GOPC: variants seen among roughly 807,000 people sequenced by gnomAD.
GOPC encodes golgi associated PDZ and coiled-coil motif containing, also known as Golgi-associated PDZ and coiled-coil motif-containing protein.
GOPC carries 32 observed loss-of-function variants against 51.2 expected under a neutral mutation model. The observed-to-expected ratio is 0.63, with a 90% CI of 0.47 to 0.84. The LOEUF is 0.84. Ranked by LOEUF, GOPC falls within the 40% of genes least tolerant of loss-of-function variation. GOPC has a pLI of 0.00. For synonymous variants in GOPC, 190 were observed against 205.1 expected, an observed-to-expected ratio of 0.93 and a Z score of 0.63; for missense variants, 441 against 555.5, an observed-to-expected ratio of 0.79 and a Z score of 2.07.
Position 117,561,046 on chromosome 6 carries a change from G to A in GOPC, c.*2208C>T, listed in dbSNP as rs1045855. Reference sequence around the variant, plus strand: ...TTTTAACTAGTTACTTTCTAACACCGGACAGGAAGCTCACAGTAGCATCTG... The same window carrying A: ...TTTTAACTAGTTACTTTCTAACACCAGACAGGAAGCTCACAGTAGCATCTG... On this transcript the variant is annotated 3_prime_UTR_variant, in exon 9 of 9. Transcript: ENST00000368498. 0.18 allele frequency: 39,379 copies of A among 221,430 alleles called. 3,837 individuals are homozygous for A. The highest frequency in any genetic ancestry group is 0.2 in the Non-Finnish European group (22,506 of 110,726). 13.7% of individuals were successfully genotyped at this position (221,430 alleles called of 1,614,324 possible).
At position 117,561,071 on chromosome 6, in the gene GOPC, G is replaced by C. The variant is rs1233123933; in HGVS notation, c.*2183C>G. 2 of 223,258 alleles carry C rather than the reference G, an allele frequency of 9.0e-6. No individual in the cohort carries two copies. Among genetic ancestry groups the C allele is most frequent in the East Asian group, 1.3e-4 (2 of 15,412 alleles). The allele number at this position is 223,258 out of a possible 1,614,324, so 13.8% of individuals were successfully genotyped here. ...GGACAGGAAGCTCACAGTAGCATCT[G>C]AGCAACGGTGCTCTCCCGTAGGCTT... On this transcript the variant is annotated 3_prime_UTR_variant, in exon 9 of 9. Coordinates refer to ENST00000368498, the MANE Select transcript of GOPC (RefSeq NM_020399.4).
chr6:117,596,567 T>A (rs1158330503), intron 1 of GOPC, among the ~76,000 whole-genome samples: 1 of 152,210 alleles, frequency 6.6e-6, no homozygotes, highest in African/African-American at 2.4e-5. Context: ...TTGATTTTTA[T>A]ATACGGTAAG....
Position 117,573,626 on chromosome 6 carries a change from T to C in GOPC, c.657A>G (p.Gln219=), listed in dbSNP as rs1779838150. ...YLDKELAGRV[Q]QIQLLGRDMK... is the part of the protein sequence containing the mutation. The stretch of plus-strand genomic sequence containing the variant: ...TATCTCGTCCTAGCAATTGTATCTG[T>C]TGGACCCTTCATATTGGGAAAAGAG... The change falls in exon 5 of 9, where the codon CAA becomes CAG. Residue 219 remains glutamine (Q), a synonymous_variant. Coordinates refer to ENST00000368498, the MANE Select transcript of GOPC (RefSeq NM_020399.4). The C allele has an allele frequency of 1.2e-6, 2 of 1,610,044 alleles. No homozygotes were observed. Among genetic ancestry groups the C allele is most frequent in the Non-Finnish European group, 1.7e-6 (2 of 1,177,892 alleles).
At chr6:117,595,040 A>G (rs924927943) in intron 1 of GOPC, among the ~76,000 whole-genome samples, 1 of 152,178 alleles carries the variant, frequency 6.6e-6, no homozygotes, top group South Asian at 2.1e-4. Context: ...GCTACTCAAC[A>G]CATATTTCCC....
intron 1 of GOPC, among the ~76,000 whole-genome samples, chr6:117,596,675 T>C (rs1350324459): frequency 6.6e-6 from 1 of 152,178 alleles, no homozygotes; most frequent in East Asian, 1.9e-4. Context: ...ATGTTTTTGT[T>C]TGCTTTGTCA....
chr6:117,582,984 G>C (rs1412413849), intron 1 of GOPC, among the ~76,000 whole-genome samples: 1 of 152,044 alleles, frequency 6.6e-6, no homozygotes, highest in East Asian at 2.0e-4. Context: ...AGAGCTAAGA[G>C]AACCTTGTAA....
intron 1 of GOPC, among the ~76,000 whole-genome samples, chr6:117,589,411 C>G (rs192606301): frequency 6.6e-6 from 1 of 152,212 alleles, no homozygotes; most frequent in Admixed American, 6.5e-5. Context: ...CCTCCACCTC[C>G]CGGGTTCAAG....
chr6:117,579,103 A>G, intron 1 of GOPC, 39 bp from the exon 2 acceptor site: 1 of 1,508,388 alleles, frequency 6.6e-7, no homozygotes, highest in Non-Finnish European at 8.9e-7. Context: ...AGGATGCTTA[A>G]TTTTCTTTCT....
chr6:117,579,511 A>C lies in GOPC; in HGVS notation c.286-447T>G, dbSNP rs531327778. Among the ~76,000 whole-genome samples, 111 of 152,000 alleles carry C rather than the reference A, an allele frequency of 7.3e-4. 1 individual carries two copies. The highest frequency in any genetic ancestry group is 1.3e-3 in the Non-Finnish European group (88 of 67,928). ...TCTTCAATCCAACGAATACTAGCCC[A>C]AATCATCCCAATCATTATCTAGTAA... On this transcript the variant is annotated intron_variant, in intron 1 of 8. Transcript: ENST00000368498.
In GOPC at chr6:117,602,269, C is replaced by T; in HGVS notation, c.20G>A (p.Cys7Tyr). 1 of 1,592,340 alleles carries T rather than the reference C, an allele frequency of 6.3e-7. No homozygotes were observed. The highest frequency in any genetic ancestry group is 8.5e-7 in the Non-Finnish European group (1 of 1,176,724). The change falls in exon 1 of 9, where the codon TGC (cysteine) becomes TAC (tyrosine). Residue 7 changes from cysteine to tyrosine, a missense_variant. Cys to Tyr is a radical substitution (Grantham distance 194). Transcript: ENST00000368498. MSAGGP[C>Y]PAAAGGGPGG... Reference sequence around the variant, plus strand: ...TGGGCCCCCTCCGGCTGCTGCTGGGCATGGACCGCCCGCCGACATGGCGCC... The same window carrying T: ...TGGGCCCCCTCCGGCTGCTGCTGGGTATGGACCGCCCGCCGACATGGCGCC...
chr6:117,572,192 T>C (rs932445018), intron 5 of GOPC, among the ~76,000 whole-genome samples: 1 of 152,136 alleles, frequency 6.6e-6, no homozygotes, highest in African/African-American at 2.4e-5. Flanking sequence ...TTTCCCCAAA[T>C]CCTTCCTTTT....
chr6:117,573,655 A>C (rs751728419), intron 4 of GOPC, 23 bp from the exon 5 acceptor site: 11 of 1,584,640 alleles, frequency 6.9e-6, no homozygotes, highest in Middle Eastern at 1.7e-4. Flanking sequence ...AAAAGAGTAC[A>C]TTGATTTTTC....
chr6:117,602,217 G>T lies in GOPC; in HGVS notation c.72C>A (p.Ala24=). 3 of 1,607,464 alleles carry T rather than the reference G, an allele frequency of 1.9e-6. No homozygotes were observed. The highest frequency in any genetic ancestry group is 1.3e-5 in the African/African-American group (1 of 75,016). The change falls in exon 1 of 9, where the codon GCC becomes GCA. Residue 24 remains alanine, a synonymous_variant. Coordinates refer to ENST00000368498, the MANE Select transcript of GOPC (RefSeq NM_020399.4). ...GPGGASCSVG[A]PGGVSMFRWL... ...ACCGGAACATGGATACCCCGCCAGG[G>T]GCCCCCACGGAGCAGGAGGCGCCCC...
chr6:117,587,205 AC>A (rs1780045554), intron 1 of GOPC, among the ~76,000 whole-genome samples: 2 of 152,164 alleles, frequency 1.3e-5, no homozygotes, highest in African/African-American at 4.8e-5. Context: ...AACCATAATG[AC>A]CACTAAGTTC....
Position 117,561,705 on chromosome 6 carries a change from T to G in GOPC, c.*1549A>C, listed in dbSNP as rs1779587544. 1 of 206,328 alleles carries G rather than the reference T, an allele frequency of 4.8e-6. No individual in the cohort carries two copies. Among genetic ancestry groups the G allele is most frequent in the Non-Finnish European group, 9.9e-6 (1 of 100,560 alleles). The allele number at this position is 206,328 out of a possible 1,614,324, so 12.8% of individuals were successfully genotyped here. A position where few individuals can be genotyped will look rare whatever the true frequency, so the allele number is the denominator to read the frequency against. On this transcript the variant is annotated 3_prime_UTR_variant, in exon 9 of 9. Coordinates refer to ENST00000368498, the MANE Select transcript of GOPC (RefSeq NM_020399.4). The stretch of plus-strand genomic sequence containing the variant: ...GAGACAATGCTATAAAGTATTTTAA[T>G]GTCAGTAACAATATACACTACGAAG...
intron 1 of GOPC, among the ~76,000 whole-genome samples, chr6:117,595,795 T>G (rs1208483937): frequency 9.9e-5 from 15 of 152,220 alleles, no homozygotes; most frequent in African/African-American, 3.6e-4. Context: ...TTTAATCCAC[T>G]TATTGATTGA....
intron 8 of GOPC, among the ~76,000 whole-genome samples, chr6:117,565,384 T>G (rs537017394): frequency 5.4e-4 from 83 of 152,310 alleles, no homozygotes; most frequent in Non-Finnish European, 1.1e-3. Flanking sequence ...TTCTCTGATA[T>G]TATACAAAAA....
At chr6:117,588,720 T>C (rs2114623247) in intron 1 of GOPC, among the ~76,000 whole-genome samples, 1 of 151,762 alleles carries the variant, frequency 6.6e-6, no homozygotes, top group South Asian at 2.1e-4. Context: ...TTAAATGATG[T>C]AATAAAGTTT....
chr6:117,580,658 A>C (rs1779944190), intron 1 of GOPC, among the ~76,000 whole-genome samples: 1 of 152,142 alleles, frequency 6.6e-6, no homozygotes, highest in Non-Finnish European at 1.5e-5. Flanking sequence ...TCACTCTTTT[A>C]AAGTAAATAA....
Sources: allele counts gnomAD v4.1 joint callset (sites outside exome capture counted in the v4.1 genomes callset), GRCh38; gene constraint gnomAD v4.1.1; transcripts MANE v1.5; gene names NCBI Gene and HGNC (gene_info 2026-07-23, HGNC 2026-07-21).